The following AGBL1 variants were observed in gnomAD, a reference collection of about 807,000 sequenced individuals.
The protein encoded by AGBL1 is AGBL carboxypeptidase 1, also known as cytosolic carboxypeptidase 4.
Under a neutral mutation model 118.9 loss-of-function variants are expected in AGBL1, and 130 were observed. The observed-to-expected ratio is 1.09, with a 90% CI of 0.95 to 1.26. The LOEUF (loss-of-function observed/expected upper bound fraction) is 1.26, where lower values mean the gene tolerates loss of function less well. AGBL1 is among the 50% of genes most tolerant of loss of function. AGBL1 has a pLI of 0.00. For synonymous variants in AGBL1, 555 were observed against 478.9 expected, an observed-to-expected ratio of 1.16 and a Z score of -2.08; for missense variants, 1,584 against 1,298.1, an observed-to-expected ratio of 1.22 and a Z score of -3.38.
At chr15:86,220,057 T>A (rs1482045552) in intron 5 of AGBL1, among the ~76,000 whole-genome samples, 2 of 147,844 alleles carry the variant, frequency 1.4e-5, no homozygotes, top group Non-Finnish European at 3.0e-5. Flanking sequence ...GTTCAAGCAA[T>A]TCTCCTGCCT....
At chr15:86,288,372 A>G (rs893988691) in intron 16 of AGBL1, among the ~76,000 whole-genome samples, 1 of 152,080 alleles carries the variant, frequency 6.6e-6, no homozygotes, top group Non-Finnish European at 1.5e-5. Context: ...CTTCTGTGCC[A>G]TCTCTCGTGG....
intron 22 of AGBL1, among the ~76,000 whole-genome samples, chr15:86,828,020 A>G (rs1359383583): frequency 7.5e-6 from 1 of 133,560 alleles, no homozygotes; most frequent in Non-Finnish European, 1.5e-5. Flanking sequence ...AGTCACTGCA[A>G]CCTTAAACTC....
Position 86,477,638 on chromosome 15 carries a change from A to C in AGBL1, c.2556-45172A>C, listed in dbSNP as rs567050718. ...TCAGGACCAGATGTATTCACAGCCA[A>C]ATTCTACCAGAGGTACAACGAGGAG... On this transcript the variant is annotated intron_variant, in intron 18 of 22. Transcript: ENST00000614907. Among the ~76,000 whole-genome samples, 5 of 152,306 alleles carry C rather than the reference A, an allele frequency of 3.3e-5. No homozygotes were observed. In the South Asian group the frequency reaches 1.0e-3, roughly 32 times the overall value.
At chr15:86,336,832 A>T (rs112825396) in intron 17 of AGBL1, among the ~76,000 whole-genome samples, 3,494 of 152,304 alleles carry the variant, frequency 0.023, 54 homozygotes, top group Middle Eastern at 0.065. Flanking sequence ...GAGACAAATG[A>T]AAGGTGCTAG....
At chr15:86,303,735 A>G (rs2079792213) in intron 17 of AGBL1, among the ~76,000 whole-genome samples, 1 of 152,292 alleles carries the variant, frequency 6.6e-6, no homozygotes, top group African/African-American at 2.4e-5. Context: ...CATGTAATAT[A>G]TTTCATCAGA....
chr15:86,296,275 G>A (rs560712913), intron 17 of AGBL1: 1 of 151,590 alleles, frequency 6.6e-6, no homozygotes, highest in Non-Finnish European at 1.5e-5. Context: ...AATGTTTTGT[G>A]ATACAGAGAA....
At chr15:86,981,228 A>C (rs1228895819) in intron 23 of AGBL1, among the ~76,000 whole-genome samples, 1 of 152,156 alleles carries the variant, frequency 6.6e-6, no homozygotes, top group Non-Finnish European at 1.5e-5. Context: ...ATATTCTACA[A>C]TATTAATTAT....
intron 17 of AGBL1, among the ~76,000 whole-genome samples, chr15:86,363,915 T>A (rs1414988466): frequency 6.6e-6 from 1 of 152,162 alleles, no homozygotes; most frequent in Non-Finnish European, 1.5e-5. Flanking sequence ...GCTCAAAATT[T>A]AGTAATCAGA....
rs1247744212 is a variant in AGBL1, at chr15:86,191,369, A to AAAAAAAAAAG, written c.488+32344_488+32345insAAAAAAAAGA. 2.4e-3 allele frequency among the ~76,000 whole-genome samples: 344 copies of AAAAAAAAAAG among 145,020 alleles called. 1 individual carries two copies. Among genetic ancestry groups the AAAAAAAAAAG allele is most frequent in the African/African-American group, 8.3e-3 (324 of 39,058 alleles). On this transcript the variant is annotated intron_variant, in intron 5 of 22. Coordinates refer to ENST00000614907, the MANE Select transcript of AGBL1 (RefSeq NM_001386094.1). ...GTCTCAAAAAAAAAAAAAAAAAAAAAAGAGAGAGAGAGAAATTAAGAGCAC... is the reference window on the plus strand; with the variant it reads ...GTCTCAAAAAAAAAAAAAAAAAAAAAAAAAAAAAAGAGAGAGAGAGAGAAATTAAGAGCAC...
intron 22 of AGBL1, among the ~76,000 whole-genome samples, chr15:86,817,073 G>A (rs924405356): frequency 2.0e-5 from 3 of 151,956 alleles, no homozygotes; most frequent in Admixed American, 6.6e-5. Flanking sequence ...GATCACCTGA[G>A]GTCAGGAGTT....
chr15:86,751,999 T>C (rs2141255000), intron 22 of AGBL1, among the ~76,000 whole-genome samples: 1 of 152,262 alleles, frequency 6.6e-6, no homozygotes, highest in East Asian at 1.9e-4. Context: ...TGATCTTTAG[T>C]AGGGAGCACT....
chr15:86,277,276 G>C (rs1435492107), intron 15 of AGBL1, among the ~76,000 whole-genome samples: 1 of 109,178 alleles, frequency 9.2e-6, no homozygotes, highest in African/African-American at 4.4e-5. Context: ...AGCATGTTAG[G>C]AGAGAGAGAG....
At chr15:86,369,152 G>T (rs529095373) in intron 17 of AGBL1, among the ~76,000 whole-genome samples, 17 of 152,202 alleles carry the variant, frequency 1.1e-4, no homozygotes, top group Non-Finnish European at 8.8e-5. Context: ...GAGATGACAG[G>T]CATGTTATAT....
rs997181946 is a variant in AGBL1 at position 86,414,922 on chromosome 15, A to G, written c.2555+17376A>G. On this transcript the variant is annotated intron_variant, in intron 18 of 22. Transcript: ENST00000614907. ...TGTGACCTTGGACAAGAAACTTGTC[A>G]TAGGTTGGGTTATTTATGATACAGT... Among the ~76,000 whole-genome samples the G allele has an allele frequency of 3.9e-5, 6 of 152,188 alleles. No homozygotes were observed. In the East Asian group the frequency reaches 7.7e-4, roughly 20 times the overall value.
rs1596310045 is a variant in AGBL1, at chr15:86,613,439, G to A, written c.2994+58902G>A. On this transcript the variant is annotated intron_variant, in intron 21 of 22. Coordinates refer to ENST00000614907, the MANE Select transcript of AGBL1 (RefSeq NM_001386094.1). The surrounding 1 kb of genome is among the most constrained non-coding windows in gnomAD (Gnocchi z 4.2). The stretch of plus-strand genomic sequence containing the variant: ...TTCAAAGCTGCTTAGCCAGATGAGT[G>A]GCAGGAGGAGCTGTGGGCATTTAGC... Among the ~76,000 whole-genome samples the A allele has an allele frequency of 1.3e-5, 2 of 152,168 alleles. No individual in the cohort carries two copies. Among genetic ancestry groups the A allele is most frequent in the East Asian group, 3.9e-4 (2 of 5,194 alleles).
At chr15:86,384,214 T>G (rs1490830490) in intron 17 of AGBL1, among the ~76,000 whole-genome samples, 1 of 152,142 alleles carries the variant, frequency 6.6e-6, no homozygotes, top group Admixed American at 6.5e-5. Context: ...TGTCAGGAGC[T>G]TTCATGAGAA....
chr15:86,396,650 C>A (rs536103894), intron 17 of AGBL1, among the ~76,000 whole-genome samples: 2 of 152,128 alleles, frequency 1.3e-5, no homozygotes, highest in Non-Finnish European at 2.9e-5. Flanking sequence ...GACCATCCCA[C>A]CCACAGACTT....
rs181977709 is a variant in AGBL1 at position 86,181,678 on chromosome 15, A to C, written c.488+22652A>C. 2.0e-3 allele frequency among the ~76,000 whole-genome samples: 299 copies of C among 152,150 alleles called. 2 individuals carry two copies. The highest frequency in any genetic ancestry group is 0.017 in the Admixed American group (263 of 15,256). ...TGTGTATAACTTATTGCATGCCAATAATAAGTCAATACATCAGTCAAAAAA... is the reference window on the plus strand; with the variant it reads ...TGTGTATAACTTATTGCATGCCAATCATAAGTCAATACATCAGTCAAAAAA... On this transcript the variant is annotated intron_variant, in intron 5 of 22. Coordinates refer to ENST00000614907, the MANE Select transcript of AGBL1 (RefSeq NM_001386094.1).
intron 22 of AGBL1, among the ~76,000 whole-genome samples, chr15:86,853,953 A>G (rs926205478): frequency 3.3e-5 from 5 of 152,176 alleles, no homozygotes; most frequent in Admixed American, 6.5e-5. Flanking sequence ...AAAATATTGC[A>G]TAGGGAAATG....
Sources: allele counts gnomAD v4.1 joint callset (sites outside exome capture counted in the v4.1 genomes callset), GRCh38; gene constraint gnomAD v4.1.1; non-coding constraint Gnocchi (gnomAD v3.1); transcripts MANE v1.5; gene names NCBI Gene and HGNC (gene_info 2026-07-23, HGNC 2026-07-21).